The following PCDHA10 variants were observed in gnomAD, a reference collection of about 807,000 sequenced individuals.
PCDHA10 encodes protocadherin alpha-10.
A neutral mutation model predicts 61.2 loss-of-function variants in PCDHA10; 45 were observed. The observed-to-expected ratio is 0.74, with a 90% CI of 0.58 to 0.94. The LOEUF is 0.94. PCDHA10 is among the 40% of genes least tolerant of loss of function. The pLI is 0.00. For missense variants in PCDHA10, 1,278 were observed against 1,236.2 expected (o/e 1.03, Z -0.51); for synonymous variants, 602 against 548.8 (o/e 1.10, Z -1.35).
intron 1 of PCDHA10, among the ~76,000 whole-genome samples, chr5:140,910,829 C>G (rs938702955): frequency 6.6e-6 from 1 of 152,184 alleles, no homozygotes; most frequent in Non-Finnish European, 1.5e-5. Flanking sequence ...TAAATTCAGC[C>G]TGATCCAATG....
At chr5:140,938,333 T>G (rs2092022298) in intron 1 of PCDHA10, among the ~76,000 whole-genome samples, 1 of 152,248 alleles carries the variant, frequency 6.6e-6, no homozygotes, top group Non-Finnish European at 1.5e-5. Context: ...GTAATGTTAA[T>G]GGATAATCTT....
intron 1 of PCDHA10, chr5:140,864,231 T>G (rs949424981): frequency 2.0e-5 from 3 of 152,222 alleles, no homozygotes; most frequent in Non-Finnish European, 4.4e-5. Flanking sequence ...AAGCAAGTTC[T>G]TTATTCCTAT....
chr5:140,869,587 A>G (rs1581901588), intron 1 of PCDHA10: 1 of 1,614,158 alleles, frequency 6.2e-7, no homozygotes, highest in African/African-American at 1.3e-5. Flanking sequence ...TGATGCTGAC[A>G]TTGAAGAGAA....
At chr5:141,007,459 T>A (rs1323177537) in intron 3 of PCDHA10, among the ~76,000 whole-genome samples, 1 of 149,426 alleles carries the variant, frequency 6.7e-6, no homozygotes, top group Non-Finnish European at 1.5e-5. Context: ...TCCCAGCTAC[T>A]CAGGAGGCTG....
chr5:140,877,027 G>T lies in PCDHA10; in HGVS notation c.2388+18591G>T, dbSNP rs376609696. 1.3e-4 allele frequency: 211 copies of T among 1,612,282 alleles called. No individual in the cohort carries two copies. Among genetic ancestry groups the T allele is most frequent in the Admixed American group, 2.7e-4 (16 of 60,002 alleles). On this transcript the variant is annotated intron_variant, in intron 1 of 3. Coordinates refer to ENST00000307360, the MANE Select transcript of PCDHA10 (RefSeq NM_018901.4). ...GCACGCGGAGAGCGGCAAGGTGTAC[G>T]CGCTGCAGCCGCTAGACCACGAGGA...
chr5:140,937,039 C>CTTTTT, intron 1 of PCDHA10, among the ~76,000 whole-genome samples: 1 of 140,166 alleles, frequency 7.1e-6, no homozygotes, highest in Non-Finnish European at 1.5e-5. Flanking sequence ...TTCCATTTAT[C>CTTTTT]TTTTTTTTTT....
chr5:140,883,710 A>C (rs782592824), intron 1 of PCDHA10: 1 of 1,613,516 alleles, frequency 6.2e-7, no homozygotes, highest in South Asian at 1.1e-5. Context: ...TCTGCTCAGG[A>C]CGCGGACGCA....
chr5:140,896,280 G>A (rs940722689), intron 1 of PCDHA10, among the ~76,000 whole-genome samples: 1 of 152,206 alleles, frequency 6.6e-6, no homozygotes, highest in South Asian at 2.1e-4. Flanking sequence ...TTGCTGGCTT[G>A]AATGGTAAGT....
chr5:140,931,546 A>G (rs1416561002), intron 1 of PCDHA10, among the ~76,000 whole-genome samples: 1 of 152,048 alleles, frequency 6.6e-6, no homozygotes, highest in Non-Finnish European at 1.5e-5. Flanking sequence ...TACTGTTCAT[A>G]TGTGCAGGAA....
At chr5:140,922,735 G>A (rs1370700616) in intron 1 of PCDHA10, among the ~76,000 whole-genome samples, 2 of 152,078 alleles carry the variant, frequency 1.3e-5, no homozygotes, top group Admixed American at 1.3e-4. Flanking sequence ...ACAAGGTTGA[G>A]AAAAATAAAT....
chr5:140,877,434 C>T, intron 1 of PCDHA10: 1 of 1,613,804 alleles, frequency 6.2e-7, no homozygotes, highest in South Asian at 1.1e-5. Flanking sequence ...TGAAGGACCA[C>T]GGTGAGCCCG....
rs181817860 is a variant in PCDHA10 at position 140,866,905 on chromosome 5, C to T, written c.2388+8469C>T. The T allele has an allele frequency of 1.6e-4, 24 of 152,148 alleles. 1 individual carries two copies. The highest frequency in any genetic ancestry group is 1.4e-3 in the Admixed American group (22 of 15,284). 9.4% of individuals were successfully genotyped at this position (152,148 alleles called of 1,614,324 possible). ...CCTATACCCAGATATTAGGCTGATCCTCAAAGATGAGTTCAAAGGGCGCAT... is the reference window on the plus strand; with the variant it reads ...CCTATACCCAGATATTAGGCTGATCTTCAAAGATGAGTTCAAAGGGCGCAT... On this transcript the variant is annotated intron_variant, in intron 1 of 3. Transcript: ENST00000307360.
At chr5:140,957,780 G>A (rs2095383354) in intron 1 of PCDHA10, among the ~76,000 whole-genome samples, 1 of 152,020 alleles carries the variant, frequency 6.6e-6, no homozygotes, top group Non-Finnish European at 1.5e-5. Context: ...TAAAAACTAA[G>A]TTCATCATAT....
chr5:140,940,610 G>A (rs1394761541), intron 1 of PCDHA10, among the ~76,000 whole-genome samples: 1 of 151,836 alleles, frequency 6.6e-6, no homozygotes, highest in Non-Finnish European at 1.5e-5. Context: ...GCTGCTCCTG[G>A]CTCCTGCAAA....
chr5:140,999,537 C>G, intron 3 of PCDHA10, among the ~76,000 whole-genome samples: 1 of 152,266 alleles, frequency 6.6e-6, no homozygotes, highest in Non-Finnish European at 1.5e-5. Context: ...CTGGATATGA[C>G]AGCCAATGAA....
At chr5:140,996,503 G>A (rs1306027159) in intron 3 of PCDHA10, among the ~76,000 whole-genome samples, 1 of 152,120 alleles carries the variant, frequency 6.6e-6, no homozygotes, top group African/African-American at 2.4e-5. Context: ...TGGCTTCTTG[G>A]GGCCCAGCAT....
At position 140,927,469 on chromosome 5, in the gene PCDHA10, C is replaced by G. The variant is rs17844359; in HGVS notation, c.2389-51480C>G. ...GTTGGTGTTGGAGAAAGCACTGGATCGCGAACAGCGCGCCACCCACCTGCT... is the reference window on the plus strand; with the variant it reads ...GTTGGTGTTGGAGAAAGCACTGGATGGCGAACAGCGCGCCACCCACCTGCT... On this transcript the variant is annotated intron_variant, in intron 1 of 3. Transcript: ENST00000307360. 39 of 1,613,964 alleles carry G rather than the reference C, an allele frequency of 2.4e-5. No individual in the cohort carries two copies. The highest frequency in any genetic ancestry group is 1.3e-4 in the South Asian group (12 of 91,094).
chr5:140,876,795 G>A (rs782560755), intron 1 of PCDHA10: 97 of 1,614,108 alleles, frequency 6.0e-5, no homozygotes, highest in Non-Finnish European at 7.5e-5. Context: ...CGGCTAGAGT[G>A]TCCGTGGAGG....
chr5:140,937,197 C>T (rs1228010742), intron 1 of PCDHA10, among the ~76,000 whole-genome samples: 2 of 151,938 alleles, frequency 1.3e-5, no homozygotes, highest in African/African-American at 2.4e-5. Flanking sequence ...GCCACCATGC[C>T]CGGCTAATTT....
Sources: gnomAD v4.1 joint callset for allele counts (sites outside exome capture counted in the v4.1 genomes callset) on GRCh38, gnomAD v4.1.1 for gene constraint, MANE v1.5 for transcripts, NCBI Gene and HGNC (gene_info 2026-07-23, HGNC 2026-07-21) for gene names.